GRM7: variants seen among roughly 807,000 people sequenced by gnomAD.
The protein encoded by GRM7 is glutamate metabotropic receptor 7, also known as metabotropic glutamate receptor 7.
A neutral mutation model predicts 84.5 loss-of-function variants in GRM7; 35 were observed. The ratio of observed to expected loss-of-function variants is 0.41; its 90% CI spans 0.32 to 0.55. GRM7 has a LOEUF of 0.55. Ranked by LOEUF, GRM7 falls within the 20% of genes least tolerant of loss-of-function variation. GRM7 has a pLI of 0.19. For synonymous variants in GRM7, 487 were observed against 455.1 expected (o/e 1.07, Z -0.89); for missense variants, 1,003 against 1,194.6 (o/e 0.84, Z 2.36).
chr3:7,083,130 G>T (rs1347562934), intron 1 of GRM7, among the ~76,000 whole-genome samples: 1 of 152,124 alleles, frequency 6.6e-6, no homozygotes, highest in Non-Finnish European at 1.5e-5. Context: ...AAACAGCATT[G>T]CATGCTACAG....
Position 7,265,061 on chromosome 3 carries a change from C to A in GRM7, c.737-33623C>A, listed in dbSNP as rs539489548. Reference sequence around the variant, plus strand: ...TCACTTGTACACCCCTTAGCAGGCACATTTTCTGTGCAAAGAGGGCAGCTA... The same window carrying A: ...TCACTTGTACACCCCTTAGCAGGCAAATTTTCTGTGCAAAGAGGGCAGCTA... On this transcript the variant is annotated intron_variant, in intron 2 of 9. Coordinates refer to ENST00000357716, the MANE Select transcript of GRM7 (RefSeq NM_000844.4). 9.8e-5 allele frequency among the ~76,000 whole-genome samples: 15 copies of A among 152,356 alleles called. No homozygotes were observed. The East Asian group carries it at 2.5e-3, about 25-fold the overall frequency.
intron 7 of GRM7, among the ~76,000 whole-genome samples, chr3:7,477,540 T>A (rs1698970878): frequency 6.6e-6 from 1 of 152,162 alleles, no homozygotes; most frequent in Non-Finnish European, 1.5e-5. Context: ...GTAACAGATT[T>A]AGTTGTGTTA....
intron 1 of GRM7, among the ~76,000 whole-genome samples, chr3:7,123,360 T>C (rs189502782): frequency 9.6e-4 from 146 of 152,344 alleles, no homozygotes; most frequent in African/African-American, 3.3e-3. Context: ...GGCTCACGCC[T>C]ATAATCCCAG....
chr3:7,285,721 A>G (rs146426862), intron 2 of GRM7, among the ~76,000 whole-genome samples: 7 of 152,106 alleles, frequency 4.6e-5, no homozygotes, highest in Non-Finnish European at 7.4e-5. Flanking sequence ...TGGCACTGTG[A>G]TGCCAATTGT....
intron 1 of GRM7, among the ~76,000 whole-genome samples, chr3:7,089,312 A>G (rs1400155079): frequency 6.6e-6 from 1 of 152,204 alleles, no homozygotes; most frequent in Admixed American, 6.5e-5. Flanking sequence ...TAATAATATT[A>G]TGTAATTTTC....
chr3:7,558,112 A>AT (rs375959569), intron 7 of GRM7, among the ~76,000 whole-genome samples: 38 of 151,542 alleles, frequency 2.5e-4, no homozygotes, highest in African/African-American at 9.2e-4. Context: ...AAGGAAGCTA[A>AT]TTTTCCATGA....
chr3:7,490,268 C>T (rs968556561), intron 7 of GRM7, among the ~76,000 whole-genome samples: 7 of 152,040 alleles, frequency 4.6e-5, no homozygotes, highest in African/African-American at 1.4e-4. Flanking sequence ...GGCACTTAAA[C>T]GTCACTTAAA....
At chr3:7,248,372 C>A (rs952248827) in intron 2 of GRM7, among the ~76,000 whole-genome samples, 1 of 152,008 alleles carries the variant, frequency 6.6e-6, no homozygotes, top group African/African-American at 2.4e-5. Flanking sequence ...CAAAAGAGAA[C>A]ATAGTTTATA....
At chr3:7,465,604 G>A (rs1267590856) in intron 7 of GRM7, among the ~76,000 whole-genome samples, 1 of 151,974 alleles carries the variant, frequency 6.6e-6, no homozygotes, top group African/African-American at 2.4e-5. Flanking sequence ...GTGGAATTTG[G>A]GCAAACGGTT....
chr3:7,500,030 T>C lies in GRM7; in HGVS notation c.1515+38308T>C, dbSNP rs140029792. ...ACCTTGTGATCTACCCGCCTTGGCCTCCCAAAGTGCTGGGATTACAGGCAT... is the reference window on the plus strand; with the variant it reads ...ACCTTGTGATCTACCCGCCTTGGCCCCCCAAAGTGCTGGGATTACAGGCAT... On this transcript the variant is annotated intron_variant, in intron 7 of 9. Transcript: ENST00000357716. 3.0e-4 allele frequency among the ~76,000 whole-genome samples: 46 copies of C among 152,332 alleles called. No individual in the cohort carries two copies. In the East Asian group the frequency reaches 8.7e-3, roughly 29 times the overall value.
At chr3:7,684,979 AG>A (rs764617610) in intron 9 of GRM7, among the ~76,000 whole-genome samples, 4 of 152,216 alleles carry the variant, frequency 2.6e-5, no homozygotes, top group Admixed American at 6.5e-5. Flanking sequence ...TCTAAGAAGA[AG>A]GGCACCTCAA....
intron 1 of GRM7, among the ~76,000 whole-genome samples, chr3:7,037,962 T>G (rs1696441143): frequency 6.6e-6 from 1 of 152,186 alleles, no homozygotes; most frequent in South Asian, 2.1e-4. Flanking sequence ...ATAATTTAAA[T>G]AGTCTAATTG....
intron 1 of GRM7, among the ~76,000 whole-genome samples, chr3:6,932,771 T>C (rs1260440057): frequency 1.5e-5 from 2 of 137,882 alleles, no homozygotes; most frequent in Admixed American, 1.4e-4. Flanking sequence ...TTTTTTTTTT[T>C]TGAGACAGAG....
chr3:7,560,212 C>G (rs1693949568), intron 7 of GRM7: 1 of 151,878 alleles, frequency 6.6e-6, no homozygotes, highest in Non-Finnish European at 1.5e-5. Flanking sequence ...TTGGTCTAAC[C>G]TGGAATAATA....
At chr3:7,256,389 T>C (rs1295092615) in intron 2 of GRM7, among the ~76,000 whole-genome samples, 1 of 152,138 alleles carries the variant, frequency 6.6e-6, no homozygotes, top group Non-Finnish European at 1.5e-5. Flanking sequence ...TAATTTTTGG[T>C]TTGTAGTTTG....
chr3:6,938,921 A>G (rs1697788966), intron 1 of GRM7, among the ~76,000 whole-genome samples: 1 of 152,224 alleles, frequency 6.6e-6, no homozygotes, highest in Non-Finnish European at 1.5e-5. Flanking sequence ...ATGCCTGTTA[A>G]GGCACTTGCT....
intron 4 of GRM7, among the ~76,000 whole-genome samples, chr3:7,347,823 T>C (rs746888846): frequency 2.0e-5 from 3 of 152,182 alleles, no homozygotes; most frequent in Non-Finnish European, 4.4e-5. Flanking sequence ...GCACATATAA[T>C]TGGTCTTCAA....
intron 4 of GRM7, among the ~76,000 whole-genome samples, chr3:7,311,663 G>A (rs1207170226): frequency 4.7e-5 from 7 of 149,146 alleles, no homozygotes; most frequent in Non-Finnish European, 1.0e-4. Context: ...GCGCAGTCTT[G>A]GCTTACTGCA....
chr3:7,556,298 T>C (rs1351230055), intron 7 of GRM7, among the ~76,000 whole-genome samples: 2 of 152,140 alleles, frequency 1.3e-5, no homozygotes, highest in African/African-American at 4.8e-5. Flanking sequence ...ATATTGGTGA[T>C]TGGGTTTCAG....
Sources: gnomAD v4.1 joint callset for allele counts (sites outside exome capture counted in the v4.1 genomes callset) on GRCh38, gnomAD v4.1.1 for gene constraint, MANE v1.5 for transcripts, NCBI Gene and HGNC (gene_info 2026-07-23, HGNC 2026-07-21) for gene names.